MECOM: variants seen among roughly 807,000 people sequenced by gnomAD.
MECOM encodes the protein MDS1 and EVI1 complex locus.
In MECOM, 13 loss-of-function variants were observed where a neutral mutation model predicts 116.3. That is an observed-to-expected ratio of 0.11 (90% CI 0.07 to 0.18). MECOM has a LOEUF of 0.18. MECOM is among the 10% of genes least tolerant of loss of function. MECOM has a pLI of 1.00. For missense variants in MECOM, 1,299 were observed against 1,509.0 expected (o/e 0.86, Z 2.31); for synonymous variants, 528 against 535.2 (o/e 0.99, Z 0.19).
chr3:169,106,412 C>T (rs1246118396), intron 10 of MECOM, among the ~76,000 whole-genome samples: 1 of 152,210 alleles, frequency 6.6e-6, no homozygotes, highest in Middle Eastern at 3.4e-3. Context: ...GAATATTCAT[C>T]CCCTCAAGCA....
At chr3:169,430,673 A>C (rs888037631) in intron 1 of MECOM, among the ~76,000 whole-genome samples, 1 of 152,144 alleles carries the variant, frequency 6.6e-6, no homozygotes, top group Non-Finnish European at 1.5e-5. Flanking sequence ...AAGACTGGTC[A>C]TTTGTTACCT....
intron 1 of MECOM, among the ~76,000 whole-genome samples, chr3:169,384,280 A>C (rs1016615201): frequency 6.6e-6 from 1 of 152,206 alleles, no homozygotes; most frequent in African/African-American, 2.4e-5. Context: ...TTGATCCTAC[A>C]AAGCACCTTT....
At chr3:169,476,459 G>T (rs775231358) in intron 1 of MECOM, among the ~76,000 whole-genome samples, 1 of 152,144 alleles carries the variant, frequency 6.6e-6, no homozygotes, top group South Asian at 2.1e-4. Context: ...CGCTTTGATA[G>T]ATCCCTGTCT....
At chr3:169,293,937 G>C (rs1214707937) in intron 2 of MECOM, among the ~76,000 whole-genome samples, 3 of 152,054 alleles carry the variant, frequency 2.0e-5, no homozygotes, top group Non-Finnish European at 4.4e-5. Context: ...AGAGGCTCAG[G>C]GCTATTTCCA....
intron 2 of MECOM, among the ~76,000 whole-genome samples, chr3:169,362,041 G>A (rs1728390865): frequency 6.6e-6 from 1 of 151,824 alleles, no homozygotes; most frequent in Non-Finnish European, 1.5e-5. Context: ...AACACAACTA[G>A]ACACTAGTTT....
chr3:169,441,768 T>C (rs1743753489), intron 1 of MECOM, among the ~76,000 whole-genome samples: 1 of 150,564 alleles, frequency 6.6e-6, no homozygotes, highest in Non-Finnish European at 1.5e-5. Context: ...TCTTGCTCTG[T>C]CACCCAGGCT....
chr3:169,629,351 C>T (rs541644348), intron 1 of MECOM, among the ~76,000 whole-genome samples: 1 of 151,856 alleles, frequency 6.6e-6, no homozygotes, highest in Non-Finnish European at 1.5e-5. Context: ...GGACTTTTTT[C>T]TAGCCTCTGT....
In MECOM at chr3:169,170,693, G is replaced by A. The variant is rs557098771; in HGVS notation, c.376-26861C>T. ...CAAAGCTTCACAGGGAATCCCCACA[G>A]TAATTTACATAGGATTGGGAGAACT... On this transcript the variant is annotated intron_variant, in intron 2 of 16. Transcript: ENST00000651503. Among the ~76,000 whole-genome samples, 19 of 152,236 alleles carry A rather than the reference G, an allele frequency of 1.2e-4. No individual in the cohort carries two copies. The East Asian group carries it at 3.5e-3, about 28-fold the overall frequency.
At chr3:169,609,354 T>C (rs895609849) in intron 1 of MECOM, among the ~76,000 whole-genome samples, 6 of 152,162 alleles carry the variant, frequency 3.9e-5, no homozygotes, top group Admixed American at 2.0e-4. Flanking sequence ...TTATGAGAAA[T>C]GCATGATGGA....
chr3:169,370,925 T>C (rs1464850137), intron 2 of MECOM, among the ~76,000 whole-genome samples: 2 of 151,950 alleles, frequency 1.3e-5, no homozygotes. Context: ...GAATTTAAAC[T>C]GGAATAGCCA....
chr3:169,165,858 T>A (rs183618875), intron 2 of MECOM, among the ~76,000 whole-genome samples: 2 of 152,288 alleles, frequency 1.3e-5, no homozygotes, highest in African/African-American at 4.8e-5. Context: ...GTTATTTTTT[T>A]AAAAAATGTT....
chr3:169,546,985 A>G (rs772243310), intron 1 of MECOM, among the ~76,000 whole-genome samples: 3 of 152,214 alleles, frequency 2.0e-5, no homozygotes, highest in Non-Finnish European at 4.4e-5. Context: ...AGGCAGAAAA[A>G]TAAAAATGGT....
At chr3:169,310,580 C>G (rs375318400) in intron 2 of MECOM, among the ~76,000 whole-genome samples, 1 of 152,292 alleles carries the variant, frequency 6.6e-6, no homozygotes, top group South Asian at 2.1e-4. Flanking sequence ...TTGATTTTGG[C>G]GTGTGTATCT....
At chr3:169,183,735 G>A (rs1746295781) in intron 2 of MECOM, among the ~76,000 whole-genome samples, 1 of 135,230 alleles carries the variant, frequency 7.4e-6, no homozygotes, top group African/African-American at 2.7e-5. Context: ...CAACTGATAC[G>A]TTAAGGACTG....
In MECOM at chr3:169,090,129, T is replaced by C. The variant is rs188244708; in HGVS notation, c.3272A>G (p.Asp1091Gly). Residue 1091 changes from aspartate to glycine, a missense_variant, in exon 15 of 17, where the codon GAT becomes GGT. By Grantham distance (94) the Asp-to-Gly change is moderately conservative. Around this residue, in one of 6 missense-constraint regions of MECOM, gnomAD observed 273 missense variants for 289.3 expected, o/e 0.94. Transcript: ENST00000651503. ...TTTTCCAGTAATATCATTGTCTTCA[T>C]CCTCCTCATCTAACAACACCTCATC... ...VEDEVLLDEE[D>G]EDNDITGKTG... The C allele has an allele frequency of 6.2e-7, 1 of 1,613,582 alleles. No individual in the cohort carries two copies. Among genetic ancestry groups the C allele is most frequent in the East Asian group, 2.2e-5 (1 of 44,854 alleles).
At chr3:169,191,671 A>G (rs1362036708) in intron 2 of MECOM, among the ~76,000 whole-genome samples, 1 of 137,698 alleles carries the variant, frequency 7.3e-6, no homozygotes, top group Non-Finnish European at 1.5e-5. Flanking sequence ...AAAAACAGAG[A>G]GAAAGAAGAA....
At chr3:169,374,127 TTCTCTCTCTCTCCC>T (rs954871906) in intron 2 of MECOM, among the ~76,000 whole-genome samples, 2 of 151,312 alleles carry the variant, frequency 1.3e-5, no homozygotes, top group African/African-American at 4.9e-5. Flanking sequence ...AGAGAGCTTG[TTCTCTCTCTCTCCC>T]TCTCTCTCTC....
chr3:169,462,171 A>G (rs890957893), intron 1 of MECOM, among the ~76,000 whole-genome samples: 1 of 152,124 alleles, frequency 6.6e-6, no homozygotes, highest in Non-Finnish European at 1.5e-5. Flanking sequence ...CAACAACTCA[A>G]TCCTCTAGCC....
At chr3:169,369,211 G>C (rs1276164997) in intron 2 of MECOM, among the ~76,000 whole-genome samples, 7 of 151,940 alleles carry the variant, frequency 4.6e-5, no homozygotes, top group Admixed American at 4.6e-4. Context: ...TATGGACAGA[G>C]CATATGTGAA....
Sources: gnomAD v4.1 joint callset for allele counts (sites outside exome capture counted in the v4.1 genomes callset) on GRCh38, gnomAD v4.1.1 for gene constraint, gnomAD v4.1.1 regional missense constraint, MANE v1.5 for transcripts, NCBI Gene and HGNC (gene_info 2026-07-23, HGNC 2026-07-21) for gene names.